Variants in MAGI1 observed in about 807,000 individuals in gnomAD.
The protein encoded by MAGI1 is membrane associated guanylate kinase, WW and PDZ domain containing 1.
Under a neutral mutation model 139.9 loss-of-function variants are expected in MAGI1, and 58 were observed. The observed-to-expected ratio is 0.41, with a 90% CI of 0.34 to 0.52. The LOEUF is 0.52. MAGI1 is among the 20% of genes least tolerant of loss of function. The pLI, the probability that MAGI1 is intolerant of heterozygous loss-of-function variation, is 0.12. For synonymous variants in MAGI1, 812 were observed against 737.9 expected, an observed-to-expected ratio of 1.10 and a Z score of -1.63; for missense variants, 1,874 against 1,901.6, an observed-to-expected ratio of 0.99 and a Z score of 0.27.
intron 4 of MAGI1, 136 bp downstream of exon 4, chr3:65,478,456 T>C: frequency 5.3e-6 from 4 of 758,262 alleles, no homozygotes; most frequent in Non-Finnish European, 4.6e-6. Context: ...CTGCAAGCAC[T>C]GTGTGGTCCA....
chr3:65,584,605 A>G (rs573850808), intron 2 of MAGI1, among the ~76,000 whole-genome samples: 34 of 152,214 alleles, frequency 2.2e-4, no homozygotes, highest in Non-Finnish European at 4.7e-4. Flanking sequence ...GAAGGAAGCA[A>G]GTACAACACA....
chr3:65,885,136 C>T (rs1042671810), intron 1 of MAGI1, among the ~76,000 whole-genome samples: 12 of 152,154 alleles, frequency 7.9e-5, no homozygotes, highest in South Asian at 2.1e-4. Context: ...CAGCAGCTCA[C>T]ATCTGTAATC....
chr3:65,416,801 C>A (rs139882078), intron 12 of MAGI1, among the ~76,000 whole-genome samples: 1 of 152,252 alleles, frequency 6.6e-6, no homozygotes, highest in African/African-American at 2.4e-5. Flanking sequence ...AAGATTCTAC[C>A]TGCAAGATGT....
intron 1 of MAGI1, among the ~76,000 whole-genome samples, chr3:65,861,273 G>C (rs761457836): frequency 1.2e-4 from 18 of 152,190 alleles, no homozygotes; most frequent in Non-Finnish European, 2.4e-4. Context: ...ATGTTTGTTT[G>C]ATTTTTAATT....
chr3:65,931,209 T>A (rs1474601565), intron 1 of MAGI1, among the ~76,000 whole-genome samples: 6 of 152,090 alleles, frequency 3.9e-5, no homozygotes, highest in Non-Finnish European at 8.8e-5. Flanking sequence ...ATTGTTTATA[T>A]TTTTTAGTAG....
intron 1 of MAGI1, among the ~76,000 whole-genome samples, chr3:65,934,460 C>T (rs1576139046): frequency 6.6e-6 from 1 of 152,056 alleles, no homozygotes. Flanking sequence ...CTGTTCTTTA[C>T]AAATAAAGGC....
At chr3:65,967,822 C>T (rs1472285588) in intron 1 of MAGI1, among the ~76,000 whole-genome samples, 1 of 152,100 alleles carries the variant, frequency 6.6e-6, no homozygotes, top group Non-Finnish European at 1.5e-5. Context: ...TGAAGACCTC[C>T]CAGGGGATGG....
intron 1 of MAGI1, among the ~76,000 whole-genome samples, chr3:65,784,015 C>A (rs1254988893): frequency 6.6e-6 from 1 of 151,894 alleles, no homozygotes; most frequent in Non-Finnish European, 1.5e-5. Flanking sequence ...CCCAGCTACT[C>A]AGGAGGCTGA....
chr3:66,011,234 C>T (rs766665737), intron 1 of MAGI1, among the ~76,000 whole-genome samples: 4 of 152,150 alleles, frequency 2.6e-5, no homozygotes, highest in Non-Finnish European at 4.4e-5. Flanking sequence ...CACATAAATG[C>T]GCCAAAGGGA....
chr3:65,891,639 C>T lies in MAGI1; in HGVS notation c.313+146357G>A, dbSNP rs113495559. On this transcript the variant is annotated intron_variant, in intron 1 of 22. Coordinates refer to ENST00000402939, the MANE Select transcript of MAGI1 (RefSeq NM_001033057.2). ...CAAGGGTGACAAAAGCAACCATACTCCAAAGTATTCAGCAAAATACTTGAC... is the reference window on the plus strand; with the variant it reads ...CAAGGGTGACAAAAGCAACCATACTTCAAAGTATTCAGCAAAATACTTGAC... 3.9e-3 allele frequency among the ~76,000 whole-genome samples: 581 copies of T among 149,100 alleles called. 7 individuals carry two copies. Among genetic ancestry groups the T allele is most frequent in the African/African-American group, 0.014 (553 of 40,438 alleles).
intron 6 of MAGI1, among the ~76,000 whole-genome samples, chr3:65,451,286 A>C (rs1411616470): frequency 6.6e-6 from 1 of 152,228 alleles, no homozygotes; most frequent in African/African-American, 2.4e-5. Context: ...TCCCAGAATA[A>C]TTACAAAAGG....
At chr3:65,499,455 C>T (rs1052490367) in intron 2 of MAGI1, among the ~76,000 whole-genome samples, 31 of 152,194 alleles carry the variant, frequency 2.0e-4, no homozygotes, top group Admixed American at 1.2e-3. Flanking sequence ...CGAGATCATC[C>T]TGGCTAACAC....
At chr3:65,812,934 C>T (rs1341321791) in intron 1 of MAGI1, among the ~76,000 whole-genome samples, 19 of 151,506 alleles carry the variant, frequency 1.3e-4, no homozygotes, top group Admixed American at 1.2e-3. Context: ...TGGTCTCAAA[C>T]TCCTGACCTC....
chr3:65,461,972 GT>G (rs1949828067), intron 5 of MAGI1, among the ~76,000 whole-genome samples: 1 of 152,150 alleles, frequency 6.6e-6, no homozygotes, highest in Middle Eastern at 3.4e-3. Flanking sequence ...TGATAGGGTT[GT>G]TTTTTTCTTG....
intron 1 of MAGI1, among the ~76,000 whole-genome samples, chr3:65,768,463 T>C (rs542068254): frequency 6.6e-6 from 1 of 152,256 alleles, no homozygotes; most frequent in Admixed American, 6.5e-5. Context: ...GCCACCATAT[T>C]AAATTCAAGA....
intron 2 of MAGI1, among the ~76,000 whole-genome samples, chr3:65,596,377 G>C (rs2082198283): frequency 1.3e-5 from 2 of 152,134 alleles, no homozygotes; most frequent in Non-Finnish European, 2.9e-5. Context: ...TCATTCAAGA[G>C]GAGTAGTAAA....
chr3:65,722,616 G>A (rs752867011), intron 1 of MAGI1, among the ~76,000 whole-genome samples: 1 of 152,134 alleles, frequency 6.6e-6, no homozygotes. Flanking sequence ...CTGGGCCATA[G>A]AGCGAGACCC....
At chr3:65,363,349 T>C (rs1941081419) in intron 21 of MAGI1, 116 bp downstream of exon 21, 5 of 1,246,474 alleles carry the variant, frequency 4.0e-6, no homozygotes, top group East Asian at 4.9e-5. Context: ...CTTAAGAGAA[T>C]CATGAAAGCT....
At chr3:65,374,504 G>A (rs1347096828) in intron 18 of MAGI1, among the ~76,000 whole-genome samples, 1 of 152,030 alleles carries the variant, frequency 6.6e-6, no homozygotes, top group Admixed American at 6.5e-5. Flanking sequence ...TTTTAGTAGA[G>A]ATGGGGTTTC....
Sources: allele counts gnomAD v4.1 joint callset (sites outside exome capture counted in the v4.1 genomes callset), GRCh38; gene constraint gnomAD v4.1.1; transcripts MANE v1.5; gene names NCBI Gene and HGNC (gene_info 2026-07-23, HGNC 2026-07-21).